MAP3K5: variants seen among roughly 807,000 people sequenced by gnomAD.
MAP3K5 encodes mitogen-activated protein kinase kinase kinase 5, also known as ASK-1.
MAP3K5 carries 56 observed loss-of-function variants against 158.7 expected under a neutral mutation model. The observed-to-expected ratio is 0.35, with a 90% CI of 0.28 to 0.44. MAP3K5 has a LOEUF of 0.44. Among genes scored for constraint, MAP3K5 ranks in the 20% least tolerant of loss-of-function variants. The pLI is 1.00. For synonymous variants in MAP3K5, 579 were observed against 601.7 expected (o/e 0.96, Z 0.55); for missense variants, 1,294 against 1,674.8 (o/e 0.77, Z 3.97).
intron 14 of MAP3K5, among the ~76,000 whole-genome samples, chr6:136,628,643 T>C (rs535516747): frequency 6.6e-6 from 1 of 152,300 alleles, no homozygotes; most frequent in South Asian, 2.1e-4. Flanking sequence ...TTTTAAAAGA[T>C]TACGTATTAG....
chr6:136,640,245 A>G (rs1021135373), intron 12 of MAP3K5, among the ~76,000 whole-genome samples: 2 of 152,186 alleles, frequency 1.3e-5, no homozygotes, highest in African/African-American at 4.8e-5. Context: ...CCAGATAGTA[A>G]AATACTTTAG....
At chr6:136,567,973 G>C (rs1357460250) in intron 25 of MAP3K5, 99 bp from the exon 26 acceptor site, 3 of 1,291,312 alleles carry the variant, frequency 2.3e-6, no homozygotes, top group Non-Finnish European at 3.2e-6. Flanking sequence ...CCGTCAATAA[G>C]ATATATATTC....
chr6:136,682,233 T>C (rs1173412970), intron 7 of MAP3K5, among the ~76,000 whole-genome samples: 1 of 152,134 alleles, frequency 6.6e-6, no homozygotes, highest in Non-Finnish European at 1.5e-5. Context: ...ATTTGGGGAC[T>C]CATATAATAG....
At chr6:136,677,734 G>A (rs527988468) in intron 7 of MAP3K5, among the ~76,000 whole-genome samples, 1 of 152,342 alleles carries the variant, frequency 6.6e-6, no homozygotes, top group African/African-American at 2.4e-5. Flanking sequence ...CAAGTCTGGT[G>A]TCAAGGGTGG....
At chr6:136,596,548 C>G (rs189834704) in intron 21 of MAP3K5, among the ~76,000 whole-genome samples, 2 of 152,000 alleles carry the variant, frequency 1.3e-5, no homozygotes, top group Admixed American at 1.3e-4. Flanking sequence ...AGGGGAAGGA[C>G]GGGTTTAGGA....
At chr6:136,708,730 A>G (rs1781180673) in intron 2 of MAP3K5, among the ~76,000 whole-genome samples, 2 of 152,166 alleles carry the variant, frequency 1.3e-5, no homozygotes, top group East Asian at 3.9e-4. Flanking sequence ...TCAAATAGTT[A>G]ATATTGCGCA....
intron 7 of MAP3K5, among the ~76,000 whole-genome samples, chr6:136,684,369 G>A (rs577554149): frequency 4.6e-5 from 7 of 152,038 alleles, no homozygotes; most frequent in Non-Finnish European, 8.8e-5. Context: ...CTACCTATGT[G>A]AGCAAATACT....
At chr6:136,634,048 AG>A (rs1303123893) in intron 14 of MAP3K5, among the ~76,000 whole-genome samples, 2 of 152,232 alleles carry the variant, frequency 1.3e-5, no homozygotes, top group Non-Finnish European at 2.9e-5. Context: ...TGGGAAGTGG[AG>A]GAATTATTTT....
At chr6:136,604,155 G>A (rs1025344989) in intron 19 of MAP3K5, among the ~76,000 whole-genome samples, 11 of 151,894 alleles carry the variant, frequency 7.2e-5, no homozygotes, top group African/African-American at 2.7e-4. Context: ...AACCCCGTCT[G>A]TACTAAAATA....
chr6:136,721,673 C>T (rs995729686), intron 1 of MAP3K5, among the ~76,000 whole-genome samples: 8 of 152,170 alleles, frequency 5.3e-5, no homozygotes, highest in African/African-American at 9.7e-5. Flanking sequence ...ATCAGCATCT[C>T]GAACATGCTC....
chr6:136,782,476 G>A (rs78931735), intron 1 of MAP3K5, among the ~76,000 whole-genome samples: 2 of 152,204 alleles, frequency 1.3e-5, no homozygotes, highest in Admixed American at 6.5e-5. Context: ...AAGAGTTCAC[G>A]GGTGTAGAAG....
Position 136,792,292 on chromosome 6 carries a change from G to T in MAP3K5, c.-135C>A. On this transcript the variant is annotated 5_prime_UTR_variant, in exon 1 of 30. Coordinates refer to ENST00000359015, the MANE Select transcript of MAP3K5 (RefSeq NM_005923.4). This position sits in a 1 kb window ranked among gnomAD's most constrained non-coding sequence, Gnocchi z 5.7. ...CGCGCCGCGCCCTCGCCGCCGCGCC[G>T]CCGCCTCCTCTCCGGCGCCCTCTCC... 1 of 1,077,130 alleles carries T rather than the reference G, an allele frequency of 9.3e-7. No individual in the cohort carries two copies. The highest frequency in any genetic ancestry group is 1.1e-6 in the Non-Finnish European group (1 of 895,566). The allele number at this position is 1,077,130 out of a possible 1,614,324, so 66.7% of individuals were successfully genotyped here.
chr6:136,743,070 A>G (rs1163412099), intron 1 of MAP3K5, among the ~76,000 whole-genome samples: 7 of 152,174 alleles, frequency 4.6e-5, no homozygotes, highest in African/African-American at 1.7e-4. Flanking sequence ...AGCCTGGGTG[A>G]CAGAGACCTT....
At chr6:136,761,302 A>AAC (rs1389024356) in intron 1 of MAP3K5, among the ~76,000 whole-genome samples, 11 of 151,564 alleles carry the variant, frequency 7.3e-5, no homozygotes, top group East Asian at 3.9e-4. Context: ...AAAAAAAAAA[A>AAC]AAAAACGAAC....
intron 24 of MAP3K5, among the ~76,000 whole-genome samples, chr6:136,583,184 A>G (rs533322736): frequency 1.3e-5 from 2 of 152,358 alleles, no homozygotes; most frequent in Admixed American, 6.5e-5. Context: ...ATTTTTCTCA[A>G]TGGCCACTAG....
intron 2 of MAP3K5, among the ~76,000 whole-genome samples, chr6:136,718,248 C>T (rs1320928303): frequency 6.6e-6 from 1 of 152,176 alleles, no homozygotes; most frequent in South Asian, 2.1e-4. Context: ...CTTGCTGTGT[C>T]GCCCAGGCTG....
chr6:136,561,453 CCT>C lies in MAP3K5; in HGVS notation c.3987+78_3987+79del, dbSNP rs1830508951. On this transcript the variant is annotated intron_variant, in intron 28 of 29. Transcript: ENST00000359015. The stretch of plus-strand genomic sequence containing the variant: ...GTCTGATTTGCTCACCAGTGTATCC[CCT>C]GTGCCTGTCACATAGCAGGCACCCA... 3 of 1,020,326 alleles carry C rather than the reference CCT, an allele frequency of 2.9e-6. No homozygotes were observed. The East Asian group carries it at 7.2e-5, about 25-fold the overall frequency. 63.2% of individuals were successfully genotyped at this position (1,020,326 alleles called of 1,614,324 possible). A position where few individuals can be genotyped will look rare whatever the true frequency, so the allele number is the denominator to read the frequency against.
intron 25 of MAP3K5, among the ~76,000 whole-genome samples, chr6:136,573,396 T>C (rs1450480107): frequency 6.6e-6 from 1 of 152,224 alleles, no homozygotes; most frequent in African/African-American, 2.4e-5. Flanking sequence ...AGTTTACTGA[T>C]GTTATATGGT....
At chr6:136,605,762 T>C (rs1257731774) in intron 18 of MAP3K5, among the ~76,000 whole-genome samples, 4 of 152,234 alleles carry the variant, frequency 2.6e-5, no homozygotes, top group Non-Finnish European at 5.9e-5. Flanking sequence ...TTCTAATCTT[T>C]TCCAGAAGAG....
Sources: allele counts gnomAD v4.1 joint callset (sites outside exome capture counted in the v4.1 genomes callset), GRCh38; gene constraint gnomAD v4.1.1; non-coding constraint Gnocchi (gnomAD v3.1); transcripts MANE v1.5; gene names NCBI Gene and HGNC (gene_info 2026-07-23, HGNC 2026-07-21).